RAI1: variants seen among roughly 807,000 people sequenced by gnomAD.
RAI1 encodes the protein retinoic acid-induced protein 1.
Under a neutral mutation model 123.8 loss-of-function variants are expected in RAI1, and 9 were observed. The ratio of observed to expected loss-of-function variants is 0.07; its 90% CI spans 0.04 to 0.13. The LOEUF (loss-of-function observed/expected upper bound fraction) is 0.13. RAI1 is among the 10% of genes least tolerant of loss of function. RAI1 has a pLI of 1.00. For missense variants in RAI1, 2,256 were observed against 2,545.8 expected (o/e 0.89, Z 2.45); for synonymous variants, 1,231 against 1,127.3 (o/e 1.09, Z -1.84).
Position 17,801,755 on chromosome 17 carries a change from C to T in RAI1, c.5566-2001C>T, listed in dbSNP as rs1022520365. 2.0e-5 allele frequency among the ~76,000 whole-genome samples: 3 copies of T among 152,190 alleles called. No individual in the cohort carries two copies. The highest frequency in any genetic ancestry group is 6.5e-5 in the Admixed American group (1 of 15,282). On this transcript the variant is annotated intron_variant, in intron 3 of 5. Coordinates refer to ENST00000353383, the MANE Select transcript of RAI1 (RefSeq NM_030665.4). The surrounding 1 kb of genome is among the most constrained non-coding windows in gnomAD (Gnocchi z 4.1). ...CTCAGCTGCTGTGGTTGGGATGGTGCGCCCACCCTGAGCATGTGGGGTCCT... is the reference window on the plus strand; with the variant it reads ...CTCAGCTGCTGTGGTTGGGATGGTGTGCCCACCCTGAGCATGTGGGGTCCT...
chr17:17,809,817 AG>A lies in RAI1; in HGVS notation c.5710-149del, dbSNP rs1002804033. Among the ~76,000 whole-genome samples the A allele has an allele frequency of 3.8e-4, 58 of 150,682 alleles. No homozygotes were observed. The highest frequency in any genetic ancestry group is 6.4e-4 in the Non-Finnish European group (43 of 67,578). On this transcript the variant is annotated intron_variant, in intron 5 of 5. Coordinates refer to ENST00000353383, the MANE Select transcript of RAI1 (RefSeq NM_030665.4). The surrounding 1 kb of genome is among the most constrained non-coding windows in gnomAD (Gnocchi z 4.9). ...TGAAGCTGGACGGGGTGGGGCCAGA[AG>A]GGGTGGTGCCGACGGCCTCGGGCGG...
At chr17:17,691,834 C>T (rs1315514551) in intron 1 of RAI1, among the ~76,000 whole-genome samples, 2 of 152,194 alleles carry the variant, frequency 1.3e-5, no homozygotes, top group African/African-American at 4.8e-5. Context: ...GTGCTACCTT[C>T]CAGCCTGGGG....
chr17:17,793,504 C>T lies in RAI1; in HGVS notation c.556C>T (p.Pro186Ser). 6.2e-7 allele frequency: 1 copy of T among 1,613,988 alleles called. No individual in the cohort carries two copies. The highest frequency in any genetic ancestry group is 8.5e-7 in the Non-Finnish European group (1 of 1,180,010). Residue 186 changes from proline to serine, a missense_variant, in exon 3 of 6, where the codon CCC (proline) becomes TCC (serine). Pro to Ser is a moderately conservative substitution (Grantham distance 74). Coordinates refer to ENST00000353383, the MANE Select transcript of RAI1 (RefSeq NM_030665.4). The stretch of plus-strand genomic sequence containing the variant: ...GCCGCCCCAGCAGCCCCTGGCATAC[C>T]CCAAGCTCCAAAGGCAGAAGCTGCA... Reference protein sequence around the residue: ...PPPPQQPLAYPKLQRQKLQND... With the variant: ...PPPPQQPLAYSKLQRQKLQND...
chr17:17,744,926 T>C (rs1916773178), intron 2 of RAI1, among the ~76,000 whole-genome samples: 2 of 151,962 alleles, frequency 1.3e-5, no homozygotes, highest in Admixed American at 6.6e-5. Context: ...GGCATTTACA[T>C]ACACAATTAA....
chr17:17,721,739 A>G (rs1915889138), intron 1 of RAI1, among the ~76,000 whole-genome samples: 1 of 152,214 alleles, frequency 6.6e-6, no homozygotes, highest in African/African-American at 2.4e-5. Context: ...CAGCAGCCTC[A>G]GGACTGAGTG....
intron 2 of RAI1, among the ~76,000 whole-genome samples, chr17:17,787,213 A>G (rs2031855466): frequency 6.6e-6 from 1 of 152,150 alleles, no homozygotes; most frequent in Non-Finnish European, 1.5e-5. Context: ...GGTCTGGGCC[A>G]GCCCCTTGGT....
chr17:17,684,696 A>ATG (rs1212533884), intron 1 of RAI1: 1 of 126,382 alleles, frequency 7.9e-6, no homozygotes, highest in East Asian at 2.2e-4. Flanking sequence ...ATATATATAT[A>ATG]TATATATATA....
chr17:17,768,172 G>A (rs11658846), intron 2 of RAI1, among the ~76,000 whole-genome samples: 13 of 152,130 alleles, frequency 8.5e-5, no homozygotes, highest in Non-Finnish European at 1.5e-4. Flanking sequence ...TGCCTGGGAC[G>A]TAGGGGACAC....
In RAI1 at chr17:17,685,055, T is replaced by C. The variant is rs1914583138; in HGVS notation, c.-149+3262T>C. The C allele has an allele frequency of 6.6e-6, 1 of 152,218 alleles. No homozygotes were observed. Among genetic ancestry groups the C allele is most frequent in the South Asian group, 2.1e-4 (1 of 4,830 alleles). The allele number at this position is 152,218 out of a possible 1,614,324, so 9.4% of individuals were successfully genotyped here. ...AAATGCTGATTGCTGCCGTCATTGT[T>C]GTATTGTTATTGCTGTTCTATCTCC... On this transcript the variant is annotated intron_variant, in intron 1 of 5. Transcript: ENST00000353383. This position sits in a 1 kb window ranked among gnomAD's most constrained non-coding sequence, Gnocchi z 4.0.
rs1169981236 is a variant in RAI1, at chr17:17,798,446, G to A, written c.5498G>A (p.Gly1833Asp). The change falls in exon 3 of 6, where the codon GGC (glycine) becomes GAC (aspartate). Residue 1833 changes from glycine to aspartate, a missense_variant. By Grantham distance (94) the Gly-to-Asp change is moderately conservative (BLOSUM62 -1). This residue lies in a region of RAI1 where 243 missense variants were observed against 316.6 expected (regional missense o/e 0.77). Transcript: ENST00000353383. The stretch of plus-strand genomic sequence containing the variant: ...CATGAGGCCTGTGCCGTGTGGACCG[G>A]CGGCGTCTACCTGGTGGCCGGGAAG... Reference protein sequence around the residue: ...WVHEACAVWTGGVYLVAGKLF... With the variant: ...WVHEACAVWTDGVYLVAGKLF... 1.9e-6 allele frequency: 3 copies of A among 1,608,858 alleles called. No homozygotes were observed. The highest frequency in any genetic ancestry group is 2.2e-5 in the East Asian group (1 of 44,884).
intron 1 of RAI1, among the ~76,000 whole-genome samples, chr17:17,699,072 G>A (rs977481697): frequency 8.5e-5 from 13 of 152,206 alleles, no homozygotes; most frequent in African/African-American, 2.9e-4. Flanking sequence ...AGGCTCAGCC[G>A]GGATTGAAGG....
At chr17:17,688,301 A>G (rs1390966647) in intron 1 of RAI1, among the ~76,000 whole-genome samples, 1 of 151,984 alleles carries the variant, frequency 6.6e-6, no homozygotes, top group Non-Finnish European at 1.5e-5. Context: ...CCTGGCCAAC[A>G]TGATGAAACC....
chr17:17,784,262 G>A (rs1312129686), intron 2 of RAI1, among the ~76,000 whole-genome samples: 2 of 152,198 alleles, frequency 1.3e-5, no homozygotes, highest in Non-Finnish European at 2.9e-5. Context: ...GTGCCTCCCC[G>A]GCTGTCAGAA....
At chr17:17,765,615 C>T (rs2030894485) in intron 2 of RAI1, among the ~76,000 whole-genome samples, 1 of 152,282 alleles carries the variant, frequency 6.6e-6, no homozygotes, top group Non-Finnish European at 1.5e-5. Context: ...ACTGAACTCA[C>T]TTCCACCAGG....
rs918300252 is a variant in RAI1, at chr17:17,810,669, T to C, written c.*688T>C. ...GACCTGGGCTATGCTCAGTTAGGGGTTGCGGGATCCCCGAGTGTGGGCGGG... is the reference window on the plus strand; with the variant it reads ...GACCTGGGCTATGCTCAGTTAGGGGCTGCGGGATCCCCGAGTGTGGGCGGG... On this transcript the variant is annotated 3_prime_UTR_variant, in exon 6 of 6. Coordinates refer to ENST00000353383, the MANE Select transcript of RAI1 (RefSeq NM_030665.4). This position sits in a 1 kb window ranked among gnomAD's most constrained non-coding sequence, Gnocchi z 4.6. 1 of 368,612 alleles carries C rather than the reference T, an allele frequency of 2.7e-6. No individual in the cohort carries two copies. Among genetic ancestry groups the C allele is most frequent in the South Asian group, 1.9e-5 (1 of 52,320 alleles). The allele number at this position is 368,612 out of a possible 1,614,324, so 22.8% of individuals were successfully genotyped here.
intron 1 of RAI1, among the ~76,000 whole-genome samples, chr17:17,705,727 C>G (rs1459356296): frequency 6.6e-6 from 1 of 151,310 alleles, no homozygotes; most frequent in African/African-American, 2.4e-5. Flanking sequence ...CTCCCTCTCT[C>G]AAAAAACAAA....
At chr17:17,682,748 G>A (rs1022523237) in intron 1 of RAI1, among the ~76,000 whole-genome samples, 2 of 152,162 alleles carry the variant, frequency 1.3e-5, no homozygotes, top group Admixed American at 6.5e-5. Context: ...CGTTTTCCCG[G>A]CTAGCAGTTT....
rs1914590495 is a variant in RAI1, at chr17:17,685,279, C to T, written c.-149+3486C>T. 6.6e-6 allele frequency among the ~76,000 whole-genome samples: 1 copy of T among 152,234 alleles called. No individual in the cohort carries two copies. Among genetic ancestry groups the T allele is most frequent in the Non-Finnish European group, 1.5e-5 (1 of 68,036 alleles). ...AGGGAACAGGGATTTTCCAAGGACCCACTGTTTCCAAAGTTCTGTGCTTAA... is the reference window on the plus strand; with the variant it reads ...AGGGAACAGGGATTTTCCAAGGACCTACTGTTTCCAAAGTTCTGTGCTTAA... On this transcript the variant is annotated intron_variant, in intron 1 of 5. Transcript: ENST00000353383. This position sits in a 1 kb window ranked among gnomAD's most constrained non-coding sequence, Gnocchi z 4.0.
chr17:17,788,171 C>T (rs1487325202), intron 2 of RAI1, among the ~76,000 whole-genome samples: 2 of 152,102 alleles, frequency 1.3e-5, no homozygotes, highest in African/African-American at 4.8e-5. Context: ...CATATCCAAG[C>T]GTTGCCCACA....
Sources: allele counts gnomAD v4.1 joint callset (sites outside exome capture counted in the v4.1 genomes callset), GRCh38; gene constraint gnomAD v4.1.1; regional missense constraint gnomAD v4.1.1; non-coding constraint Gnocchi (gnomAD v3.1); transcripts MANE v1.5; gene names NCBI Gene and HGNC (gene_info 2026-07-23, HGNC 2026-07-21).